THSD7B: variants seen among roughly 807,000 people sequenced by gnomAD.
THSD7B encodes thrombospondin type 1 domain containing 7B.
In THSD7B, 138 loss-of-function variants were observed where a neutral mutation model predicts 213.6. The observed-to-expected ratio is 0.65, with a 90% CI of 0.56 to 0.74. The LOEUF is 0.74. Ranked by LOEUF, THSD7B falls within the 30% of genes least tolerant of loss-of-function variation. The pLI is 0.00. For synonymous variants in THSD7B, 742 were observed against 687.0 expected, an observed-to-expected ratio of 1.08 and a Z score of -1.25; for missense variants, 1,931 against 1,991.5, an observed-to-expected ratio of 0.97 and a Z score of 0.58.
chr2:137,351,832 C>T (rs890683149), intron 12 of THSD7B, among the ~76,000 whole-genome samples: 1 of 151,840 alleles, frequency 6.6e-6, no homozygotes, highest in Non-Finnish European at 1.5e-5. Flanking sequence ...TTTAGTCCTC[C>T]CTAAGCCCAC....
At chr2:136,767,477 G>GTGTGTGTGTGTGTGTGTGTA (rs1681423265) in intron 1 of THSD7B, among the ~76,000 whole-genome samples, 1 of 151,366 alleles carries the variant, frequency 6.6e-6, no homozygotes, top group African/African-American at 2.4e-5. Flanking sequence ...GTGTGTGTGT[G>GTGTGTGTGTGTGTGTGTGTA]TGTTGTGTGT....
intron 3 of THSD7B, among the ~76,000 whole-genome samples, chr2:137,089,572 C>A (rs35249732): frequency 0.082 from 12,416 of 151,912 alleles, 710 homozygotes; most frequent in African/African-American, 0.16. Context: ...GGAAACCAAA[C>A]ATCATATGTC....
At chr2:137,456,091 G>A (rs765739426) in intron 15 of THSD7B, among the ~76,000 whole-genome samples, 7 of 152,066 alleles carry the variant, frequency 4.6e-5, no homozygotes, top group Non-Finnish European at 8.8e-5. Context: ...TTTTTATTAT[G>A]TTTGCAACTG....
chr2:136,981,115 A>T (rs1685570182), intron 2 of THSD7B, among the ~76,000 whole-genome samples: 1 of 152,120 alleles, frequency 6.6e-6, no homozygotes. Flanking sequence ...TATAGTTTGT[A>T]TTGGGATATT....
At chr2:137,340,544 T>C (rs1321892097) in intron 12 of THSD7B, among the ~76,000 whole-genome samples, 1 of 151,888 alleles carries the variant, frequency 6.6e-6, no homozygotes, top group South Asian at 2.1e-4. Context: ...TTCCTTCTGT[T>C]TAACTGAGAT....
intron 10 of THSD7B, among the ~76,000 whole-genome samples, chr2:137,244,840 G>A (rs1388204474): frequency 6.6e-6 from 1 of 151,966 alleles, no homozygotes; most frequent in Non-Finnish European, 1.5e-5. Context: ...AGTAACTATG[G>A]GTTAATTACA....
intron 2 of THSD7B, among the ~76,000 whole-genome samples, chr2:136,937,793 A>G (rs1009831704): frequency 6.6e-6 from 1 of 152,178 alleles, no homozygotes; most frequent in African/African-American, 2.4e-5. Flanking sequence ...TGTGTTCAGA[A>G]AAAGCTACAT....
intron 9 of THSD7B, 125 bp from the exon 10 acceptor site, chr2:137,242,332 T>C: frequency 1.5e-6 from 1 of 665,486 alleles, no homozygotes; most frequent in Admixed American, 2.8e-5. Context: ...TCCAGGAGTC[T>C]CTCTTCCCTC....
intron 12 of THSD7B, among the ~76,000 whole-genome samples, chr2:137,346,478 TTCTC>T (rs139028202): frequency 9.5e-5 from 14 of 147,532 alleles, no homozygotes; most frequent in African/African-American, 2.2e-4. Flanking sequence ...TAATATTCCA[TTCTC>T]TCTCTCTCTC....
At chr2:137,077,522 C>G (rs183572087) in intron 3 of THSD7B, among the ~76,000 whole-genome samples, 5,291 of 152,172 alleles carry the variant, frequency 0.035, 130 homozygotes, top group South Asian at 0.063. Flanking sequence ...ACCATTCTAA[C>G]TGGTGTGAGA....
intron 15 of THSD7B, among the ~76,000 whole-genome samples, chr2:137,466,485 G>T (rs371718791): frequency 4.0e-5 from 6 of 150,964 alleles, no homozygotes; most frequent in South Asian, 4.2e-4. Context: ...TTATGAGATG[G>T]TTTTTTTTTA....
In THSD7B at chr2:137,508,543, ATT is replaced by A. The variant is rs70978232; in HGVS notation, c.3139-54662_3139-54661del. Among the ~76,000 whole-genome samples, 173 of 132,364 alleles carry A rather than the reference ATT, an allele frequency of 1.3e-3. 1 individual carries two copies. Among genetic ancestry groups the A allele is most frequent in the Admixed American group, 1.7e-3 (22 of 13,204 alleles). 86.8% of individuals were successfully genotyped at this position (132,364 alleles called of 152,430 possible). On this transcript the variant is annotated intron_variant, in intron 15 of 27. Transcript: ENST00000409968. ...AGGCGCCTGCCACCATGCCCGGCTA[ATT>A]TTTTTTTTTTTTTTTGTATTTTTTT...
chr2:136,938,462 TTC>T (rs1162378555), intron 2 of THSD7B, among the ~76,000 whole-genome samples: 6 of 152,218 alleles, frequency 3.9e-5, no homozygotes, highest in African/African-American at 1.2e-4. Context: ...AGTGAGTCAT[TTC>T]TGTTTCCCAT....
chr2:137,482,004 C>T (rs917382420), intron 15 of THSD7B, among the ~76,000 whole-genome samples: 10 of 151,984 alleles, frequency 6.6e-5, no homozygotes, highest in East Asian at 1.9e-4. Flanking sequence ...GGTGAAACCC[C>T]GTCTCTACTA....
chr2:137,438,580 G>T (rs1180158947), intron 14 of THSD7B, among the ~76,000 whole-genome samples: 2 of 152,070 alleles, frequency 1.3e-5, no homozygotes, highest in African/African-American at 4.8e-5. Context: ...ACAAAAACAG[G>T]TGGAGGCTGG....
chr2:136,824,718 T>A (rs1377220840), intron 1 of THSD7B, among the ~76,000 whole-genome samples: 1 of 152,144 alleles, frequency 6.6e-6, no homozygotes, highest in Non-Finnish European at 1.5e-5. Context: ...AAAAAATGGA[T>A]AAGGTGATGA....
chr2:137,376,364 GCAGTGATTTGGCC>G (rs1367673770), intron 12 of THSD7B, among the ~76,000 whole-genome samples: 5 of 152,126 alleles, frequency 3.3e-5, no homozygotes, highest in Non-Finnish European at 5.9e-5. Context: ...ATTACCTGAT[GCAGTGATTTGGCC>G]CAACTCTTCC....
At chr2:137,521,091 A>C (rs1042663812) in intron 15 of THSD7B, among the ~76,000 whole-genome samples, 1 of 152,100 alleles carries the variant, frequency 6.6e-6, no homozygotes, top group African/African-American at 2.4e-5. Flanking sequence ...AAATTGCTAT[A>C]GAGGCAGAGT....
At chr2:137,454,628 ATAAATTGGGTTGTTAGCAATTTTCATGTT>A (rs1687727031) in intron 15 of THSD7B, among the ~76,000 whole-genome samples, 1 of 152,130 alleles carries the variant, frequency 6.6e-6, no homozygotes, top group African/African-American at 2.4e-5. Context: ...TCATTTGACA[ATAAATTGGGTTGTTAGCAATTTTCATGTT>A]TAAAAAATAT....
Sources: allele counts gnomAD v4.1 joint callset (sites outside exome capture counted in the v4.1 genomes callset), GRCh38; gene constraint gnomAD v4.1.1; transcripts MANE v1.5; gene names NCBI Gene and HGNC (gene_info 2026-07-23, HGNC 2026-07-21).